The following RANBP2 variants were observed in gnomAD, a reference collection of about 807,000 sequenced individuals.
RANBP2 encodes RAN binding protein 2.
A neutral mutation model predicts 303.6 loss-of-function variants in RANBP2; 57 were observed. The observed-to-expected ratio is 0.19, with a 90% confidence interval of 0.15 to 0.23. RANBP2 has a LOEUF of 0.23. RANBP2 is among the 10% of genes least tolerant of loss of function. The pLI, the probability that RANBP2 is intolerant of heterozygous loss-of-function variation, is 1.00. For synonymous variants in RANBP2, 1,167 were observed against 1,301.5 expected (o/e 0.90, Z 2.23); for missense variants, 3,138 against 3,780.8 (o/e 0.83, Z 4.46).
At chr2:109,069,755 G>A in the RANBP2 span, among the ~76,000 whole-genome samples, 1 of 152,152 alleles carries the variant, frequency 6.6e-6, no homozygotes, top group Admixed American at 6.5e-5. Flanking sequence ...CTTTCATGGA[G>A]TCATTACTCT....
chr2:109,380,873 T>G, the RANBP2 span, among the ~76,000 whole-genome samples: 2 of 152,218 alleles, frequency 1.3e-5, no homozygotes, highest in East Asian at 3.9e-4. Context: ...ATTCAGGGCC[T>G]TTGGAGGCCC....
chr2:109,210,787 A>G, the RANBP2 span, among the ~76,000 whole-genome samples: 2 of 152,240 alleles, frequency 1.3e-5, no homozygotes, highest in South Asian at 4.1e-4. Context: ...TCTGGCAAGC[A>G]CGACCTATTT....
chr2:109,447,147 TAAAAAAAAA>T, the RANBP2 span, among the ~76,000 whole-genome samples: 3 of 82,704 alleles, frequency 3.6e-5, no homozygotes, highest in Non-Finnish European at 8.1e-5. Flanking sequence ...CCTGAATATT[TAAAAAAAAA>T]AAAAAAAAAA....
chr2:109,661,664 G>T, the RANBP2 span, among the ~76,000 whole-genome samples: 1 of 152,210 alleles, frequency 6.6e-6, no homozygotes, highest in African/African-American at 2.4e-5. Context: ...AGGTAGATAA[G>T]GGTGAGCCTA....
chr2:108,789,853 G>T (rs1185091843), downstream of RANBP2, among the ~76,000 whole-genome samples: 5 of 152,106 alleles, frequency 3.3e-5, no homozygotes, highest in African/African-American at 1.2e-4. Flanking sequence ...GTAAAATAAA[G>T]ATCTAAGTTG....
chr2:109,722,912 A>G, the RANBP2 span, among the ~76,000 whole-genome samples: 1 of 152,124 alleles, frequency 6.6e-6, no homozygotes, highest in East Asian at 1.9e-4. Context: ...GCTATTGTGA[A>G]TAGTGCTGTA....
chr2:109,129,351 GTCCCC>G, the RANBP2 span: 1 of 869,336 alleles, frequency 1.2e-6, no homozygotes, highest in Non-Finnish European at 1.8e-6. Flanking sequence ...ACGCAGGCCG[GTCCCC>G]GCCACGCAGG....
At chr2:109,123,293 G>A in the RANBP2 span, among the ~76,000 whole-genome samples, 2 of 151,894 alleles carry the variant, frequency 1.3e-5, no homozygotes, top group African/African-American at 4.8e-5. Context: ...TCCCAACTCA[G>A]CCTTCCTCAC....
chr2:109,097,302 CAAAAACAAAACA>C, the RANBP2 span, among the ~76,000 whole-genome samples: 2 of 137,612 alleles, frequency 1.5e-5, no homozygotes, highest in African/African-American at 5.3e-5. Flanking sequence ...GACTCCATCT[CAAAAACAAAACA>C]AAAAACAAAA....
chr2:109,411,370 T>C, the RANBP2 span, among the ~76,000 whole-genome samples: 7 of 152,344 alleles, frequency 4.6e-5, no homozygotes, highest in Non-Finnish European at 8.8e-5. Flanking sequence ...TGGCTGCTCA[T>C]CTCTGCCCCT....
chr2:109,518,950 G>A, the RANBP2 span, among the ~76,000 whole-genome samples: 3 of 131,110 alleles, frequency 2.3e-5, no homozygotes, highest in Admixed American at 8.8e-5. Flanking sequence ...AGGGAGTCTC[G>A]CTCTGTCACC....
At chr2:108,971,328 C>T in the RANBP2 span, among the ~76,000 whole-genome samples, 1 of 151,946 alleles carries the variant, frequency 6.6e-6, no homozygotes, top group African/African-American at 2.4e-5. Flanking sequence ...CCCAGGAGCT[C>T]GTTAGAAATG....
At chr2:109,021,829 C>T in the RANBP2 span, among the ~76,000 whole-genome samples, 1 of 152,126 alleles carries the variant, frequency 6.6e-6, no homozygotes, top group Non-Finnish European at 1.5e-5. Context: ...TTAAGAAATC[C>T]GAACAAAATC....
the RANBP2 span, among the ~76,000 whole-genome samples, chr2:109,282,460 A>G: frequency 1.3e-5 from 2 of 152,160 alleles, no homozygotes; most frequent in Admixed American, 6.5e-5. Context: ...CTGCCAGGTC[A>G]TGAGCACTGC....
the RANBP2 span, among the ~76,000 whole-genome samples, chr2:109,143,450 A>G: frequency 3.3e-5 from 5 of 152,138 alleles, no homozygotes; most frequent in East Asian, 9.6e-4. Context: ...AATGATAAAG[A>G]AAGTGCAGTG....
the RANBP2 span, among the ~76,000 whole-genome samples, chr2:109,341,754 C>T: frequency 6.6e-6 from 1 of 152,160 alleles, no homozygotes; most frequent in Non-Finnish European, 1.5e-5. Context: ...AGGCAGATTT[C>T]CTTATGCATG....
chr2:109,485,818 G>A, the RANBP2 span, among the ~76,000 whole-genome samples: 3 of 152,380 alleles, frequency 2.0e-5, no homozygotes, highest in African/African-American at 7.2e-5. Context: ...CTGGGCACAG[G>A]GATGCTTTCA....
the RANBP2 span, among the ~76,000 whole-genome samples, chr2:109,487,957 C>G: frequency 1.3e-5 from 2 of 152,334 alleles, no homozygotes; most frequent in African/African-American, 4.8e-5. Context: ...GGAGCCTAGA[C>G]GGGGATGAAC....
At chr2:108,734,539 T>G (rs948500476) in intron 4 of RANBP2, among the ~76,000 whole-genome samples, 1 of 151,786 alleles carries the variant, frequency 6.6e-6, no homozygotes, top group Non-Finnish European at 1.5e-5. Flanking sequence ...AAGCAAACAG[T>G]AATTATGGAT....
Sources: gnomAD v4.1 joint callset for allele counts (sites outside exome capture counted in the v4.1 genomes callset) on GRCh38, gnomAD v4.1.1 for gene constraint, MANE v1.5 for transcripts, NCBI Gene and HGNC (gene_info 2026-07-23, HGNC 2026-07-21) for gene names.